The following PPP1R42 variants were observed in gnomAD, a reference collection of about 807,000 sequenced individuals.
The protein encoded by PPP1R42 is leucine rich repeat containing 67.
Under a neutral mutation model 31.0 loss-of-function variants are expected in PPP1R42, and 34 were observed. The observed-to-expected ratio is 1.10, with a 90% CI of 0.83 to 1.46. The LOEUF (loss-of-function observed/expected upper bound fraction) is 1.46, where lower values mean the gene tolerates loss of function less well. Ranked by LOEUF, PPP1R42 falls within the 40% of genes most tolerant of loss-of-function variation. The pLI is 0.00. For synonymous variants in PPP1R42, 103 were observed against 109.8 expected (o/e 0.94, Z 0.39); for missense variants, 268 against 303.0 (o/e 0.88, Z 0.86).
intron 1 of PPP1R42, among the ~76,000 whole-genome samples, chr8:67,018,107 CT>C (rs1816072093): frequency 6.6e-6 from 1 of 150,718 alleles, no homozygotes; most frequent in Admixed American, 6.6e-5. Context: ...TTGCAAGTAT[CT>C]TTTTTTCTTT....
At chr8:66,999,082 C>T (rs2130944987) in intron 5 of PPP1R42, among the ~76,000 whole-genome samples, 1 of 152,228 alleles carries the variant, frequency 6.6e-6, no homozygotes, top group Middle Eastern at 3.4e-3. Flanking sequence ...GAGACAGGGT[C>T]TTACTTTGTT....
intron 7 of PPP1R42, among the ~76,000 whole-genome samples, chr8:66,971,512 A>C (rs967871447): frequency 1.4e-4 from 22 of 152,276 alleles, no homozygotes; most frequent in Admixed American, 1.3e-3. Flanking sequence ...TTAACATTCC[A>C]TATCATTTAC....
intron 7 of PPP1R42, chr8:66,971,146 G>A: frequency 1.4e-6 from 2 of 1,481,168 alleles, no homozygotes; most frequent in Non-Finnish European, 1.8e-6. Context: ...GTTACCTGTA[G>A]CACACAAAGA....
At chr8:66,979,111 A>G (rs1383791774) in intron 7 of PPP1R42, among the ~76,000 whole-genome samples, 3 of 152,112 alleles carry the variant, frequency 2.0e-5, no homozygotes, top group Non-Finnish European at 2.9e-5. Context: ...TTGAGGTTCT[A>G]TTATAAAATC....
intron 5 of PPP1R42, among the ~76,000 whole-genome samples, chr8:67,001,619 T>C (rs1815493963): frequency 6.6e-6 from 1 of 152,088 alleles, no homozygotes; most frequent in African/African-American, 2.4e-5. Context: ...TGCTTCAGCG[T>C]TTAAAACAAT....
intron 5 of PPP1R42, among the ~76,000 whole-genome samples, chr8:67,008,205 A>G (rs906842822): frequency 6.6e-6 from 1 of 152,132 alleles, no homozygotes; most frequent in Non-Finnish European, 1.5e-5. Flanking sequence ...CCTAATTTAT[A>G]AATTAAACTT....
At chr8:66,999,537 T>C (rs1563424261) in intron 5 of PPP1R42, among the ~76,000 whole-genome samples, 1 of 152,096 alleles carries the variant, frequency 6.6e-6, no homozygotes, top group East Asian at 1.9e-4. Flanking sequence ...TTTGTAGAGA[T>C]GGGGTCTCCC....
chr8:67,013,020 T>C lies in PPP1R42; in HGVS notation c.373A>G (p.Asn125Asp). 6.2e-7 allele frequency: 1 copy of C among 1,612,554 alleles called. No individual in the cohort carries two copies. The highest frequency in any genetic ancestry group is 1.1e-5 in the South Asian group (1 of 90,542). Residue 125 changes from asparagine (N) to aspartate (D), a missense_variant, in exon 4 of 8, where the codon AAT (asparagine) becomes GAT (aspartate). Asn to Asp is a conservative substitution (Grantham distance 23). Transcript: ENST00000685739. ...TTTTCCCCAAGGGGAAGCCTCTGAT[T>C]CTCAACATGAAGCTCTCTTAGTTCT... ...LGELRELHVENQRLPLGEKLL... is the reference protein window; with the variant it reads ...LGELRELHVEDQRLPLGEKLL...
chr8:66,988,343 A>C (rs764002660), intron 6 of PPP1R42, 57 bp downstream of exon 6: 1 of 1,302,516 alleles, frequency 7.7e-7, no homozygotes, highest in South Asian at 2.6e-5. Context: ...TGGTAAAATA[A>C]CCAAAAAGTT....
rs757965095 is a variant in PPP1R42 at position 67,013,060 on chromosome 8, A to T, written c.333T>A (p.Gly111=). Reference sequence around the variant, plus strand: ...CTCTTAGTTCTCCTAATCCTTCTAAACCTTCTATGACAGCAATGTAATTGC... The same window carrying T: ...CTCTTAGTTCTCCTAATCCTTCTAATCCTTCTATGACAGCAATGTAATTGC... The part of the protein sequence containing the change: ...LGGNYIAVIE[G]LEGLGELREL... Residue 111 remains glycine (G), a synonymous_variant, in exon 4 of 8, where the codon GGT becomes GGA. Coordinates refer to ENST00000685739, the MANE Select transcript of PPP1R42 (RefSeq NM_001364910.1). 1 of 1,605,834 alleles carries T rather than the reference A, an allele frequency of 6.2e-7. No individual in the cohort carries two copies. The highest frequency in any genetic ancestry group is 1.1e-5 in the South Asian group (1 of 88,642).
intron 5 of PPP1R42, among the ~76,000 whole-genome samples, chr8:67,001,273 A>C (rs1815477654): frequency 2.0e-5 from 3 of 147,832 alleles, no homozygotes; most frequent in Non-Finnish European, 3.0e-5. Context: ...CTGCTCTCGA[A>C]CTCCTGGGCT....
chr8:66,988,778 C>T lies in PPP1R42; in HGVS notation c.553-261G>A, dbSNP rs74767749. Among the ~76,000 whole-genome samples the T allele has an allele frequency of 9.7e-3, 1,481 of 152,182 alleles. 23 individuals are homozygous for T. The highest frequency in any genetic ancestry group is 0.034 in the African/African-American group (1,400 of 41,516). On this transcript the variant is annotated intron_variant, in intron 5 of 7. Coordinates refer to ENST00000685739, the MANE Select transcript of PPP1R42 (RefSeq NM_001364910.1). ...CTCTGTCATACTCCCTTAAATGGCC[C>T]CCACTGCAGCTCAGAAAAAACTTTT...
chr8:66,989,065 A>G (rs989468086), intron 5 of PPP1R42, among the ~76,000 whole-genome samples: 2 of 152,166 alleles, frequency 1.3e-5, no homozygotes, highest in African/African-American at 4.8e-5. Flanking sequence ...ATATGCTGTT[A>G]TGTATCCTTC....
intron 6 of PPP1R42, chr8:66,985,543 A>T: frequency 1.5e-6 from 2 of 1,308,718 alleles, no homozygotes; most frequent in Non-Finnish European, 2.2e-6. Flanking sequence ...CGGGCCCACC[A>T]TGTTGGCATT....
At chr8:66,985,088 T>G in intron 6 of PPP1R42, 1 of 1,308,726 alleles carries the variant, frequency 7.6e-7, no homozygotes, top group South Asian at 1.2e-5. Context: ...TCTCCTTCCT[T>G]TAGCTCCTTC....
rs772355772 is a variant in PPP1R42 at position 66,985,190 on chromosome 8, C to A, written c.671-3010G>T. 5 of 1,124,900 alleles carry A rather than the reference C, an allele frequency of 4.4e-6. No homozygotes were observed. The Admixed American group carries it at 6.8e-5, about 15-fold the overall frequency. 69.7% of individuals were successfully genotyped at this position (1,124,900 alleles called of 1,614,324 possible). A position where few individuals can be genotyped will look rare whatever the true frequency, so the allele number is the denominator to read the frequency against. ...TCTGCCTGAAGCTTCTCCAGTTGAG[C>A]CTTTGTCCTTAATCGCTGAGCAGTC... On this transcript the variant is annotated intron_variant, in intron 6 of 7. Transcript: ENST00000685739.
In PPP1R42 at chr8:67,017,699, G is replaced by T; in HGVS notation, c.49C>A (p.Pro17Thr). ...DLIARNSNLKPRKEETISQCL... is the reference protein window; with the variant it reads ...DLIARNSNLKTRKEETISQCL... Reference sequence around the variant, plus strand: ...TGTGAAATGGTTTCTTCTTTTCGGGGTTTAAGATTGCTGTTTCTGGCAATT... The same window carrying T: ...TGTGAAATGGTTTCTTCTTTTCGGGTTTTAAGATTGCTGTTTCTGGCAATT... Residue 17 changes from proline to threonine, a missense_variant, in exon 2 of 8, where the codon CCC becomes ACC. Coordinates refer to ENST00000685739, the MANE Select transcript of PPP1R42 (RefSeq NM_001364910.1). 3 of 1,599,122 alleles carry T rather than the reference G, an allele frequency of 1.9e-6. No homozygotes were observed. Among genetic ancestry groups the T allele is most frequent in the Non-Finnish European group, 1.7e-6 (2 of 1,173,230 alleles).
intron 2 of PPP1R42, 109 bp from the exon 3 acceptor site, chr8:67,014,701 T>C: frequency 2.9e-6 from 2 of 685,806 alleles, no homozygotes; most frequent in Non-Finnish European, 4.7e-6. Context: ...CTAAGGTTAA[T>C]ATAAAAGAAC....
At chr8:66,996,069 G>A (rs185827132) in intron 5 of PPP1R42, among the ~76,000 whole-genome samples, 3 of 151,840 alleles carry the variant, frequency 2.0e-5, no homozygotes, top group East Asian at 3.9e-4. Flanking sequence ...ATTATTATTT[G>A]AGACAGAGTC....
Sources: gnomAD v4.1 joint callset for allele counts (sites outside exome capture counted in the v4.1 genomes callset) on GRCh38, gnomAD v4.1.1 for gene constraint, MANE v1.5 for transcripts, NCBI Gene and HGNC (gene_info 2026-07-23, HGNC 2026-07-21) for gene names.